FAM193B: variants seen among roughly 807,000 people sequenced by gnomAD.
FAM193B encodes the protein family with sequence similarity 193 member B, also known as protein FAM193B.
A neutral mutation model predicts 70.7 loss-of-function variants in FAM193B; 27 were observed. The observed-to-expected ratio is 0.38, with a 90% CI of 0.28 to 0.53. FAM193B has a LOEUF of 0.53. Among genes scored for constraint, FAM193B ranks in the 20% least tolerant of loss-of-function variants. The pLI, the probability that FAM193B is intolerant of heterozygous loss-of-function variation, is 0.81. For missense variants in FAM193B, 1,022 were observed against 1,072.5 expected, an observed-to-expected ratio of 0.95 and a Z score of 0.66; for synonymous variants, 448 against 436.0, an observed-to-expected ratio of 1.03 and a Z score of -0.34.
Position 177,554,379 on chromosome 5 carries a change from TG to T in FAM193B, c.79del (p.Gln27ArgfsTer96). 1 of 1,196,040 alleles carries T rather than the reference TG, an allele frequency of 8.4e-7. No homozygotes were observed. Among genetic ancestry groups the T allele is most frequent in the Non-Finnish European group, 1.0e-6 (1 of 965,662 alleles). 74.1% of individuals were successfully genotyped at this position (1,196,040 alleles called of 1,614,324 possible). ...TGGCGGCGGCGGGGGCTCGGGCGCC[TG>T]GGGCTTCTGCGGCCCCGCGGCCCGA... ...RARAAGPQKP[Q>X]APEPPPPPSL... On this transcript the variant is annotated frameshift_variant, in exon 1 of 9. Coordinates refer to ENST00000514747, the MANE Select transcript of FAM193B (RefSeq NM_001190946.3). LOFTEE classifies it high-confidence loss of function.
intron 1 of FAM193B, among the ~76,000 whole-genome samples, chr5:177,546,956 A>C (rs952182431): frequency 6.6e-6 from 1 of 152,208 alleles, no homozygotes; most frequent in African/African-American, 2.4e-5. Context: ...CTGCTACTCT[A>C]ACCCCAGCAC....
At chr5:177,553,106 C>T (rs1766513227) in intron 1 of FAM193B, 2 of 927,128 alleles carry the variant, frequency 2.2e-6, no homozygotes, top group Non-Finnish European at 2.6e-6. Flanking sequence ...GGGCACCTGA[C>T]GCAACTGGGG....
chr5:177,554,038 G>A (rs1242138192), intron 1 of FAM193B: 40 of 1,340,264 alleles, frequency 3.0e-5, no homozygotes, highest in Non-Finnish European at 3.6e-5. Context: ...CTTCAGCCTA[G>A]TCGCAGGAGC....
In FAM193B at chr5:177,536,507, G is replaced by A. The variant is rs762104545; in HGVS notation, c.927C>T (p.Ser309=). 1 of 1,562,958 alleles carries A rather than the reference G, an allele frequency of 6.4e-7. No individual in the cohort carries two copies. The highest frequency in any genetic ancestry group is 8.6e-7 in the Non-Finnish European group (1 of 1,160,104). ...GCATGCTGGTGGAGGGTAGATGGGAGCTCTGACATGGCCCTGGAGTGTGGG... is the reference window on the plus strand; with the variant it reads ...GCATGCTGGTGGAGGGTAGATGGGAACTCTGACATGGCCCTGGAGTGTGGG... ...TAPHTPGPCQ[S]SHLPSTSMPL... The change falls in exon 4 of 9, where the codon AGC becomes AGT. Residue 309 remains serine, a synonymous_variant. Coordinates refer to ENST00000514747, the MANE Select transcript of FAM193B (RefSeq NM_001190946.3).
In FAM193B at chr5:177,538,911, T is replaced by C. The variant is rs530647570; in HGVS notation, c.447A>G (p.Ala149=). Residue 149 remains alanine (A), a synonymous_variant, in exon 2 of 9, where the codon GCA becomes GCG. Coordinates refer to ENST00000514747, the MANE Select transcript of FAM193B (RefSeq NM_001190946.3). This position sits in a 1 kb window ranked among gnomAD's most constrained non-coding sequence, Gnocchi z 4.1. ...EDERQTGREH[A]VAISLSHTSC... ...CCTGTCAGCGGTTACCTACCGCCAC[T>C]GCATGTTCTCGACCTGTCTGCCTTT... 5 of 1,613,922 alleles carry C rather than the reference T, an allele frequency of 3.1e-6. No individual in the cohort carries two copies. The South Asian group carries it at 3.3e-5, about 11-fold the overall frequency.
rs1412198832 is a variant in FAM193B at position 177,524,201 on chromosome 5, C to T, written c.2280G>A (p.Lys760=). ...RSRRSRNKQE[K]PASSLDDVFL... is the part of the protein sequence containing the mutation. Reference sequence around the variant, plus strand: ...TGCACTCACCCAAGGAGGAGGCTGGCTTCTCCTGCTTGTTGCGGCTCCGGC... The same window carrying T: ...TGCACTCACCCAAGGAGGAGGCTGGTTTCTCCTGCTTGTTGCGGCTCCGGC... The change falls in exon 6 of 9, where the codon AAG becomes AAA. Residue 760 remains lysine, a synonymous_variant. Transcript: ENST00000514747. The T allele has an allele frequency of 6.4e-7, 1 of 1,555,486 alleles. No individual in the cohort carries two copies. Among genetic ancestry groups the T allele is most frequent in the South Asian group, 1.2e-5 (1 of 82,486 alleles).
intron 1 of FAM193B, among the ~76,000 whole-genome samples, chr5:177,549,732 G>A (rs751721365): frequency 3.0e-4 from 46 of 152,236 alleles, no homozygotes; most frequent in Admixed American, 1.1e-3. Context: ...AGCTGGGATC[G>A]GTTAGTGTCT....
At chr5:177,552,554 G>A (rs1161962455) in intron 1 of FAM193B, among the ~76,000 whole-genome samples, 1 of 152,250 alleles carries the variant, frequency 6.6e-6, no homozygotes, top group Non-Finnish European at 1.5e-5. Context: ...ATGGTCTGCT[G>A]AATGGGAAGA....
chr5:177,533,651 G>A (rs1314866761), intron 4 of FAM193B, among the ~76,000 whole-genome samples: 1 of 152,168 alleles, frequency 6.6e-6, no homozygotes, highest in Non-Finnish European at 1.5e-5. Flanking sequence ...CAAAATAAGT[G>A]TCATTATCCC....
In FAM193B at chr5:177,532,015, C is replaced by T; in HGVS notation, c.1275+428G>A. The T allele has an allele frequency of 7.7e-7, 1 of 1,291,476 alleles. No individual in the cohort carries two copies. The highest frequency in any genetic ancestry group is 1.2e-5 in the South Asian group (1 of 81,010). The allele number at this position is 1,291,476 out of a possible 1,614,324, so 80.0% of individuals were successfully genotyped here. A position where few individuals can be genotyped will look rare whatever the true frequency, so the allele number is the denominator to read the frequency against. ...GAGCCAGCATGCCCTCTGATCTGAG[C>T]CTCCTTCCTGGCGCCGTCTGTGCTC... is the stretch of plus-strand genomic sequence containing the variant. On this transcript the variant is annotated intron_variant, in intron 5 of 8. Coordinates refer to ENST00000514747, the MANE Select transcript of FAM193B (RefSeq NM_001190946.3). The surrounding 1 kb of genome is among the most constrained non-coding windows in gnomAD (Gnocchi z 4.9).
intron 1 of FAM193B, among the ~76,000 whole-genome samples, chr5:177,552,304 C>T (rs568188109): frequency 9.2e-5 from 14 of 152,090 alleles, no homozygotes; most frequent in Non-Finnish European, 1.8e-4. Flanking sequence ...CTAAACGCTG[C>T]GGAGAAATAC....
rs982186407 is a variant in FAM193B, at chr5:177,532,854, G to C, written c.1077-213C>G. On this transcript the variant is annotated intron_variant, in intron 4 of 8. Coordinates refer to ENST00000514747, the MANE Select transcript of FAM193B (RefSeq NM_001190946.3). The surrounding 1 kb of genome is among the most constrained non-coding windows in gnomAD (Gnocchi z 4.9). ...CCCAAACACAAATGTGGCTCTTCTG[G>C]AAAGGTTTCCCCACGCCTCCCCTGC... 6.6e-6 allele frequency among the ~76,000 whole-genome samples: 1 copy of C among 152,138 alleles called. No homozygotes were observed. The highest frequency in any genetic ancestry group is 1.5e-5 in the Non-Finnish European group (1 of 68,026).
At chr5:177,542,287 T>C (rs773287537) in intron 1 of FAM193B, among the ~76,000 whole-genome samples, 38 of 152,236 alleles carry the variant, frequency 2.5e-4, no homozygotes, top group Admixed American at 6.5e-4. Context: ...TTACCAGCTG[T>C]AAGATGCTGG....
chr5:177,549,047 T>A (rs181639797), intron 1 of FAM193B, among the ~76,000 whole-genome samples: 1 of 152,132 alleles, frequency 6.6e-6, no homozygotes, highest in African/African-American at 2.4e-5. Flanking sequence ...TGAGAAGCAT[T>A]CTCTGACCCA....
At position 177,539,143 on chromosome 5, in the gene FAM193B, G is replaced by C; in HGVS notation, c.215C>G (p.Pro72Arg). ...EPNLVPGPQV[P>R]PASSQPVQTC... Reference sequence around the variant, plus strand: ...CTGCACAGGCTGGCTGGAGGCGGGGGGGACCTGTCCAACAGACAGAAACAG... The same window carrying C: ...CTGCACAGGCTGGCTGGAGGCGGGGCGGACCTGTCCAACAGACAGAAACAG... The change falls in exon 2 of 9, where the codon CCC (proline) becomes CGC (arginine). Residue 72 changes from proline (P) to arginine (R), a missense_variant. Transcript: ENST00000514747. 1 of 1,564,294 alleles carries C rather than the reference G, an allele frequency of 6.4e-7. No homozygotes were observed. The highest frequency in any genetic ancestry group is 8.7e-7 in the Non-Finnish European group (1 of 1,154,676).
At chr5:177,544,877 T>C (rs983087531) in intron 1 of FAM193B, among the ~76,000 whole-genome samples, 1 of 152,212 alleles carries the variant, frequency 6.6e-6, no homozygotes, top group Non-Finnish European at 1.5e-5. Flanking sequence ...TACTGAAACA[T>C]TCCTCCCTTT....
At chr5:177,542,822 T>C (rs959985643) in intron 1 of FAM193B, among the ~76,000 whole-genome samples, 2 of 152,224 alleles carry the variant, frequency 1.3e-5, no homozygotes, top group African/African-American at 4.8e-5. Context: ...TTTTCCTGTA[T>C]CTTCCATCCC....
chr5:177,550,418 C>T (rs1014163398), intron 1 of FAM193B, among the ~76,000 whole-genome samples: 1 of 152,206 alleles, frequency 6.6e-6, no homozygotes, highest in Non-Finnish European at 1.5e-5. Context: ...GTTTTGGTAT[C>T]TGCTGAGTGA....
rs1369652529 is a variant in FAM193B, at chr5:177,524,655, G to A, written c.1826C>T (p.Ser609Phe). Reference sequence around the variant, plus strand: ...AACTTCCTTTGAGCTTGGCTCCTCGGAGCTGGGGTAGCCCGGCTTGGGTGT... The same window carrying A: ...AACTTCCTTTGAGCTTGGCTCCTCGAAGCTGGGGTAGCCCGGCTTGGGTGT... ...VKTPKPGYPS[S>F]EEPSSKEVPS... is the part of the protein sequence containing the mutation. The change falls in exon 6 of 9, where the codon TCC (serine) becomes TTC (phenylalanine). Residue 609 changes from serine to phenylalanine, a missense_variant. By Grantham distance (155) the Ser-to-Phe change is radical. Coordinates refer to ENST00000514747, the MANE Select transcript of FAM193B (RefSeq NM_001190946.3). The A allele has an allele frequency of 6.2e-7, 1 of 1,612,646 alleles. No individual in the cohort carries two copies. The highest frequency in any genetic ancestry group is 8.5e-7 in the Non-Finnish European group (1 of 1,179,474).
Sources: allele counts gnomAD v4.1 joint callset (sites outside exome capture counted in the v4.1 genomes callset), GRCh38; gene constraint gnomAD v4.1.1; non-coding constraint Gnocchi (gnomAD v3.1); transcripts MANE v1.5; gene names NCBI Gene and HGNC (gene_info 2026-07-23, HGNC 2026-07-21).